The following TLK1 variants were observed in gnomAD, a reference collection of about 807,000 sequenced individuals.
The protein encoded by TLK1 is serine/threonine-protein kinase tousled-like 1.
A neutral mutation model predicts 105.3 loss-of-function variants in TLK1; 24 were observed. The observed-to-expected ratio is 0.23, with a 90% CI of 0.17 to 0.32. The LOEUF (loss-of-function observed/expected upper bound fraction) is 0.32. Among genes scored for constraint, TLK1 ranks in the 10% least tolerant of loss-of-function variants. The probability of loss-of-function intolerance (pLI) is 1.00; values close to 1 mark genes in which losing one functional copy is unlikely to be tolerated. For synonymous variants in TLK1, 321 were observed against 310.4 expected (o/e 1.03, Z -0.36); for missense variants, 558 against 910.5 (o/e 0.61, Z 4.98).
upstream of TLK1, among the ~76,000 whole-genome samples, chr2:171,165,708 C>T (rs995815555): frequency 3.9e-5 from 6 of 152,092 alleles, no homozygotes; most frequent in Non-Finnish European, 7.4e-5. Flanking sequence ...GTCAGGAGTT[C>T]GAGACCAGCC....
At chr2:171,101,670 T>C (rs144654459) in intron 2 of TLK1, among the ~76,000 whole-genome samples, 1 of 152,298 alleles carries the variant, frequency 6.6e-6, no homozygotes, top group East Asian at 1.9e-4. Flanking sequence ...AAAGTTCACA[T>C]TAGTGGAGGG....
intron 1 of TLK1, among the ~76,000 whole-genome samples, chr2:171,150,664 A>G (rs1408082166): frequency 2.6e-5 from 4 of 152,224 alleles, no homozygotes; most frequent in Admixed American, 1.3e-4. Context: ...AGCTAAAGGT[A>G]TATGTCTGGG....
At chr2:171,033,452 G>A (rs534376749) in intron 11 of TLK1, among the ~76,000 whole-genome samples, 1 of 151,568 alleles carries the variant, frequency 6.6e-6, no homozygotes, top group South Asian at 2.1e-4. Context: ...CAAAAGGTGG[G>A]GTTGGTTAAT....
chr2:171,003,849 TAAC>T (rs1445888302), intron 18 of TLK1, among the ~76,000 whole-genome samples: 1 of 152,252 alleles, frequency 6.6e-6, no homozygotes, highest in Non-Finnish European at 1.5e-5. Flanking sequence ...TGATAAATTT[TAAC>T]TTCTTGTAAT....
chr2:171,126,281 TAAAG>T (rs1381852073), intron 1 of TLK1, among the ~76,000 whole-genome samples: 2 of 152,140 alleles, frequency 1.3e-5, no homozygotes, highest in Admixed American at 6.5e-5. Context: ...TTAGGGAACA[TAAAG>T]AACACAATCC....
At chr2:171,036,734 CCCCAAGTCT>C (rs1411280555) in intron 11 of TLK1, among the ~76,000 whole-genome samples, 1 of 152,136 alleles carries the variant, frequency 6.6e-6, no homozygotes, top group Non-Finnish European at 1.5e-5. Flanking sequence ...GTGGATTATA[CCCCAAGTCT>C]CACTCATATC....
At chr2:171,027,218 C>G (rs1482755973) in intron 12 of TLK1, among the ~76,000 whole-genome samples, 1 of 152,084 alleles carries the variant, frequency 6.6e-6, no homozygotes, top group Non-Finnish European at 1.5e-5. Context: ...TTCACAGATA[C>G]TATCTCCAAT....
intron 1 of TLK1, among the ~76,000 whole-genome samples, chr2:171,193,399 C>CT (rs1693193180): frequency 6.9e-6 from 1 of 144,856 alleles, no homozygotes; most frequent in Non-Finnish European, 1.5e-5. Flanking sequence ...CTTAGTTTTT[C>CT]GTTTTTTTTT....
chr2:171,183,135 C>T (rs1692959579), intron 1 of TLK1, among the ~76,000 whole-genome samples: 1 of 151,918 alleles, frequency 6.6e-6, no homozygotes, highest in African/African-American at 2.4e-5. Context: ...AATCATGATA[C>T]ATTACATATA....
rs373796060 is a variant in TLK1, at chr2:171,115,170, C to CTTTTTTTTTTTTT, written c.258+2568_258+2569insAAAAAAAAAAAAA. Among the ~76,000 whole-genome samples, 35 of 135,778 alleles carry CTTTTTTTTTTTTT rather than the reference C, an allele frequency of 2.6e-4. 1 individual carries two copies. Among genetic ancestry groups the CTTTTTTTTTTTTT allele is most frequent in the African/African-American group, 3.3e-4 (11 of 33,174 alleles). The allele number at this position is 135,778 out of a possible 152,430, so 89.1% of individuals were successfully genotyped here. A position where few individuals can be genotyped will look rare whatever the true frequency, so the allele number is the denominator to read the frequency against. ...ATCTTGCTTCATCTTTTAAGAATTT[C>CTTTTTTTTTTTTT]TTTCTTTTTTTTTTTTTTGAGACTG... On this transcript the variant is annotated intron_variant, in intron 2 of 20. Transcript: ENST00000431350.
At chr2:171,003,821 CTGTGTT>C (rs1359564513) in intron 18 of TLK1, among the ~76,000 whole-genome samples, 2 of 152,186 alleles carry the variant, frequency 1.3e-5, no homozygotes, top group African/African-American at 4.8e-5. Context: ...CAGGTACAGT[CTGTGTT>C]TGTATACGTT....
intron 11 of TLK1, among the ~76,000 whole-genome samples, chr2:171,039,446 T>C (rs963310858): frequency 3.3e-5 from 5 of 152,082 alleles, no homozygotes; most frequent in African/African-American, 1.2e-4. Flanking sequence ...TTAGTAGAGA[T>C]GGGTTTTTGC....
intron 12 of TLK1, among the ~76,000 whole-genome samples, chr2:171,022,594 T>A (rs1685580144): frequency 6.6e-6 from 1 of 152,208 alleles, no homozygotes; most frequent in Non-Finnish European, 1.5e-5. Context: ...TCATGTACAA[T>A]GTAGTTGGCT....
At chr2:171,163,394 A>G (rs951194669), upstream of TLK1, among the ~76,000 whole-genome samples, 6 of 152,236 alleles carry the variant, frequency 3.9e-5, no homozygotes, top group Non-Finnish European at 8.8e-5. Flanking sequence ...TAAGAGGAAC[A>G]GAGTTTCTGT....
chr2:171,112,651 A>G (rs1412642813), intron 2 of TLK1, among the ~76,000 whole-genome samples: 1 of 152,228 alleles, frequency 6.6e-6, no homozygotes, highest in African/African-American at 2.4e-5. Context: ...CATTTTTGGA[A>G]GATAATTATT....
At chr2:171,034,305 C>T (rs1559355479) in intron 11 of TLK1, among the ~76,000 whole-genome samples, 1 of 152,044 alleles carries the variant, frequency 6.6e-6, no homozygotes, top group Non-Finnish European at 1.5e-5. Flanking sequence ...GTGTTTATAG[C>T]AGAACTATTT....
chr2:171,185,061 G>A (rs142408201), intron 1 of TLK1, among the ~76,000 whole-genome samples: 1,935 of 152,108 alleles, frequency 0.013, 27 homozygotes, highest in Non-Finnish European at 0.02. Context: ...GGATGGTCTC[G>A]ATCTCCTGAC....
intron 1 of TLK1, among the ~76,000 whole-genome samples, chr2:171,223,552 T>C (rs979394292): frequency 3.5e-4 from 52 of 149,250 alleles, no homozygotes; most frequent in African/African-American, 1.2e-3. Context: ...AGATCTCAGC[T>C]AGCTGCAACC....
intron 13 of TLK1, among the ~76,000 whole-genome samples, chr2:171,012,625 T>C (rs1007495734): frequency 8.5e-5 from 13 of 152,118 alleles, no homozygotes; most frequent in Non-Finnish European, 1.8e-4. Context: ...ACTATAGGCA[T>C]GTGCCACCAC....
Sources: allele counts gnomAD v4.1 joint callset (sites outside exome capture counted in the v4.1 genomes callset), GRCh38; gene constraint gnomAD v4.1.1; transcripts MANE v1.5; gene names NCBI Gene and HGNC (gene_info 2026-07-23, HGNC 2026-07-21).